Variants in GRID1 observed in about 807,000 individuals in gnomAD.
The protein encoded by GRID1 is glutamate ionotropic receptor delta type subunit 1, also known as glutamate receptor ionotropic, delta-1.
In GRID1, 28 loss-of-function variants were observed where a neutral mutation model predicts 98.0. The ratio of observed to expected loss-of-function variants is 0.29; its 90% CI spans 0.21 to 0.39. The LOEUF (loss-of-function observed/expected upper bound fraction) is 0.39. Ranked by LOEUF, GRID1 falls within the 10% of genes least tolerant of loss-of-function variation. The pLI is 1.00. For synonymous variants in GRID1, 553 were observed against 538.5 expected (o/e 1.03, Z -0.37); for missense variants, 1,111 against 1,340.5 (o/e 0.83, Z 2.67).
At chr10:86,131,765 T>C (rs1285514931) in intron 4 of GRID1, among the ~76,000 whole-genome samples, 2 of 152,176 alleles carry the variant, frequency 1.3e-5, no homozygotes, top group African/African-American at 4.8e-5. Flanking sequence ...AATGTTTTAC[T>C]TGGGCACTCC....
At chr10:85,725,200 T>C (rs1041159372) in intron 10 of GRID1, among the ~76,000 whole-genome samples, 8 of 152,234 alleles carry the variant, frequency 5.3e-5, no homozygotes, top group Non-Finnish European at 1.2e-4. Flanking sequence ...TCTACAACTA[T>C]GTTAGACCTC....
At chr10:86,166,509 C>T (rs1021977414) in intron 3 of GRID1, among the ~76,000 whole-genome samples, 1 of 152,194 alleles carries the variant, frequency 6.6e-6, no homozygotes, top group Non-Finnish European at 1.5e-5. Flanking sequence ...GTTTTCTCAC[C>T]TAGTCCTCAG....
At chr10:86,359,191 C>T (rs1848570945) in intron 2 of GRID1, among the ~76,000 whole-genome samples, 1 of 152,218 alleles carries the variant, frequency 6.6e-6, no homozygotes, top group African/African-American at 2.4e-5. Context: ...AAGGGGTCTA[C>T]AGGCATCTTT....
At chr10:86,108,062 A>C (rs1218628497) in intron 4 of GRID1, among the ~76,000 whole-genome samples, 1 of 152,230 alleles carries the variant, frequency 6.6e-6, no homozygotes, top group Non-Finnish European at 1.5e-5. Flanking sequence ...AGCCGCCTAC[A>C]GACAGCAAAC....
At chr10:85,644,810 C>T (rs150009848) in intron 13 of GRID1, among the ~76,000 whole-genome samples, 1 of 152,218 alleles carries the variant, frequency 6.6e-6, no homozygotes, top group Non-Finnish European at 1.5e-5. Context: ...ACTGTTACTC[C>T]ACGTCTTCTT....
rs556480360 is a variant in GRID1 at position 86,027,310 on chromosome 10, C to G, written c.727-111071G>C. Among the ~76,000 whole-genome samples, 69 of 152,268 alleles carry G rather than the reference C, an allele frequency of 4.5e-4. No individual in the cohort carries two copies. In the South Asian group the frequency reaches 0.014, roughly 30 times the overall value. ...ATTGCTCTCTGTCTCCATGGATTTG[C>G]CTGTTCTGGACATTTCATATTAATG... On this transcript the variant is annotated intron_variant, in intron 4 of 15. Coordinates refer to ENST00000327946, the MANE Select transcript of GRID1 (RefSeq NM_017551.3).
chr10:86,220,730 A>G (rs2132029040), intron 2 of GRID1, among the ~76,000 whole-genome samples: 1 of 152,206 alleles, frequency 6.6e-6, no homozygotes, highest in East Asian at 1.9e-4. Context: ...CTTCTCATTC[A>G]CCCCAAGTTT....
At chr10:85,709,835 C>T (rs1418630008) in intron 12 of GRID1, among the ~76,000 whole-genome samples, 1 of 151,942 alleles carries the variant, frequency 6.6e-6, no homozygotes, top group East Asian at 1.9e-4. Flanking sequence ...AGAAGTATTC[C>T]TCTTTGCTGT....
intron 4 of GRID1, among the ~76,000 whole-genome samples, chr10:85,985,952 T>G (rs1007055310): frequency 6.6e-6 from 1 of 152,146 alleles, no homozygotes; most frequent in African/African-American, 2.4e-5. Flanking sequence ...AGAACATGAA[T>G]TCACTCCTCC....
intron 12 of GRID1, among the ~76,000 whole-genome samples, chr10:85,654,215 A>G (rs1314296679): frequency 2.0e-5 from 3 of 152,182 alleles, no homozygotes; most frequent in Non-Finnish European, 4.4e-5. Flanking sequence ...CCTTCCCTCC[A>G]TGGCGTTTTC....
At chr10:86,155,436 GTTTTCATTGCAA>G (rs1377673850) in intron 3 of GRID1, among the ~76,000 whole-genome samples, 1 of 152,202 alleles carries the variant, frequency 6.6e-6, no homozygotes, top group African/African-American at 2.4e-5. Context: ...CTGAGTCAGA[GTTTTCATTGCAA>G]TTATAGTGAT....
chr10:86,222,435 G>A (rs746516970), intron 2 of GRID1, among the ~76,000 whole-genome samples: 2 of 152,198 alleles, frequency 1.3e-5, no homozygotes, highest in Non-Finnish European at 2.9e-5. Context: ...GGGGTGGTGG[G>A]AGCAGTGGGT....
chr10:86,054,843 G>T (rs1422581058), intron 4 of GRID1, among the ~76,000 whole-genome samples: 1 of 152,126 alleles, frequency 6.6e-6, no homozygotes, highest in African/African-American at 2.4e-5. Flanking sequence ...CTCCCATTAG[G>T]GGGTGGGGTC....
At chr10:86,235,459 T>G (rs1348896912) in intron 2 of GRID1, among the ~76,000 whole-genome samples, 1 of 152,234 alleles carries the variant, frequency 6.6e-6, no homozygotes, top group Admixed American at 6.5e-5. Context: ...TTTAGCAAAT[T>G]TATACAATTG....
intron 4 of GRID1, among the ~76,000 whole-genome samples, chr10:86,013,862 T>C (rs766965784): frequency 6.6e-6 from 1 of 152,128 alleles, no homozygotes; most frequent in Non-Finnish European, 1.5e-5. Flanking sequence ...CCTGCAAAAC[T>C]TAGTTAAGTT....
intron 12 of GRID1, among the ~76,000 whole-genome samples, chr10:85,649,336 G>T (rs773910263): frequency 6.6e-6 from 1 of 152,116 alleles, no homozygotes; most frequent in Admixed American, 6.5e-5. Flanking sequence ...CATTACAGAT[G>T]AAAGGAAACA....
intron 2 of GRID1, among the ~76,000 whole-genome samples, chr10:86,290,378 T>C (rs1190780179): frequency 1.3e-5 from 2 of 152,286 alleles, no homozygotes; most frequent in South Asian, 2.1e-4. Context: ...CCAGGTGCGG[T>C]GGCTCATACC....
intron 4 of GRID1, among the ~76,000 whole-genome samples, chr10:86,084,774 G>A (rs1268779900): frequency 1.3e-5 from 2 of 152,096 alleles, no homozygotes; most frequent in East Asian, 1.9e-4. Flanking sequence ...GCAGTAAGCC[G>A]CTCACAACAG....
chr10:86,119,748 G>C (rs1249322530), intron 4 of GRID1, among the ~76,000 whole-genome samples: 1 of 152,048 alleles, frequency 6.6e-6, no homozygotes, highest in Non-Finnish European at 1.5e-5. Context: ...ACAGATGTGA[G>C]GAGGCACATT....
Sources: gnomAD v4.1 joint callset for allele counts (sites outside exome capture counted in the v4.1 genomes callset) on GRCh38, gnomAD v4.1.1 for gene constraint, MANE v1.5 for transcripts, NCBI Gene and HGNC (gene_info 2026-07-23, HGNC 2026-07-21) for gene names.